Variants in KCNMB2 observed in about 807,000 individuals in gnomAD.
The protein encoded by KCNMB2 is calcium-activated potassium channel subunit beta-2.
A neutral mutation model predicts 24.5 loss-of-function variants in KCNMB2; 9 were observed. The ratio of observed to expected loss-of-function variants is 0.37; its 90% CI spans 0.22 to 0.64. The LOEUF (loss-of-function observed/expected upper bound fraction) is 0.64. Ranked by LOEUF, KCNMB2 falls within the 30% of genes least tolerant of loss-of-function variation. The pLI is 0.63. For synonymous variants in KCNMB2, 109 were observed against 104.4 expected (o/e 1.04, Z -0.27); for missense variants, 226 against 284.3 (o/e 0.79, Z 1.47).
intron 1 of KCNMB2, among the ~76,000 whole-genome samples, chr3:178,660,332 T>C (rs908870768): frequency 6.6e-6 from 1 of 152,168 alleles, no homozygotes; most frequent in Non-Finnish European, 1.5e-5. Flanking sequence ...ATTACGAATA[T>C]TCCCTATCTG....
chr3:178,667,284 G>C (rs957350791), intron 1 of KCNMB2, among the ~76,000 whole-genome samples: 1 of 152,034 alleles, frequency 6.6e-6, no homozygotes, highest in Non-Finnish European at 1.5e-5. Context: ...CCCCTCCAAA[G>C]TTTAGATGGG....
chr3:178,657,210 A>G (rs1720376111), intron 1 of KCNMB2, among the ~76,000 whole-genome samples: 1 of 152,208 alleles, frequency 6.6e-6, no homozygotes, highest in Non-Finnish European at 1.5e-5. Context: ...CCCACAAAAG[A>G]GGTCCTGCAC....
At chr3:178,548,656 G>A (rs1390155127) in intron 1 of KCNMB2, among the ~76,000 whole-genome samples, 1 of 151,966 alleles carries the variant, frequency 6.6e-6, no homozygotes, top group Non-Finnish European at 1.5e-5. Context: ...CTCTTAAATA[G>A]AGCCTCCCCT....
chr3:178,551,385 A>C (rs1181900894), intron 1 of KCNMB2, among the ~76,000 whole-genome samples: 1 of 152,224 alleles, frequency 6.6e-6, no homozygotes, highest in Non-Finnish European at 1.5e-5. Flanking sequence ...TCCTATCCCA[A>C]GTCCCATGAC....
intron 1 of KCNMB2, among the ~76,000 whole-genome samples, chr3:178,600,211 C>G (rs1426365530): frequency 6.6e-6 from 1 of 152,060 alleles, no homozygotes; most frequent in Non-Finnish European, 1.5e-5. Flanking sequence ...ATAATGTCCT[C>G]AAGATTTATT....
At position 178,826,374 on chromosome 3, in the gene KCNMB2, G is replaced by T. The variant is rs367751590; in HGVS notation, c.227+616G>T. On this transcript the variant is annotated intron_variant, in intron 3 of 4. Coordinates refer to ENST00000452583, the MANE Select transcript of KCNMB2 (RefSeq NM_181361.3). Reference sequence around the variant, plus strand: ...TTAAAGCTCCCCAGGTTGTTCTAATGGGCCTTCTAGGCTGAGAAACACTGC... The same window carrying T: ...TTAAAGCTCCCCAGGTTGTTCTAATTGGCCTTCTAGGCTGAGAAACACTGC... 4.9e-4 allele frequency among the ~76,000 whole-genome samples: 75 copies of T among 152,286 alleles called. 4 individuals carry two copies. The South Asian group carries it at 0.015, about 31-fold the overall frequency.
intron 1 of KCNMB2, among the ~76,000 whole-genome samples, chr3:178,720,315 A>C (rs1722757058): frequency 6.8e-6 from 1 of 147,260 alleles, no homozygotes; most frequent in Admixed American, 6.8e-5. Context: ...TGAACTCATC[A>C]TTTTTTATGG....
intron 1 of KCNMB2, among the ~76,000 whole-genome samples, chr3:178,723,467 T>C (rs566453996): frequency 6.6e-6 from 1 of 152,316 alleles, no homozygotes; most frequent in South Asian, 2.1e-4. Flanking sequence ...GTTTGGAGAT[T>C]TTCCCCAATA....
chr3:178,823,894 T>A (rs913231161), intron 2 of KCNMB2, among the ~76,000 whole-genome samples: 1 of 148,920 alleles, frequency 6.7e-6, no homozygotes, highest in Non-Finnish European at 1.5e-5. Context: ...CTTGTGCATA[T>A]TGGCTTTTTG....
chr3:178,733,117 T>C, intron 1 of KCNMB2, among the ~76,000 whole-genome samples: 1 of 152,194 alleles, frequency 6.6e-6, no homozygotes, highest in East Asian at 1.9e-4. Flanking sequence ...GGGTAGAAAT[T>C]TTAGCAGGTA....
intron 1 of KCNMB2, among the ~76,000 whole-genome samples, chr3:178,549,978 G>T (rs1240354728): frequency 6.6e-6 from 1 of 151,772 alleles, no homozygotes; most frequent in Non-Finnish European, 1.5e-5. Context: ...TTTATGAAAA[G>T]AAAAATACCT....
intron 1 of KCNMB2, among the ~76,000 whole-genome samples, chr3:178,789,872 G>A (rs1713253572): frequency 6.6e-6 from 1 of 151,978 alleles, no homozygotes; most frequent in Non-Finnish European, 1.5e-5. Flanking sequence ...TGCTGTGCTG[G>A]GCTTATAGCC....
At chr3:178,580,884 A>G (rs1717173777) in intron 1 of KCNMB2, among the ~76,000 whole-genome samples, 1 of 152,202 alleles carries the variant, frequency 6.6e-6, no homozygotes, top group Non-Finnish European at 1.5e-5. Flanking sequence ...AAACAAATAG[A>G]AAAACATTCC....
At chr3:178,733,071 C>T (rs570549118) in intron 1 of KCNMB2, among the ~76,000 whole-genome samples, 5 of 152,064 alleles carry the variant, frequency 3.3e-5, no homozygotes, top group Non-Finnish European at 7.4e-5. Flanking sequence ...TGAAATATTC[C>T]ATAATAAAAA....
At chr3:178,750,197 T>G (rs891365544) in intron 1 of KCNMB2, among the ~76,000 whole-genome samples, 4 of 149,206 alleles carry the variant, frequency 2.7e-5, no homozygotes, top group Non-Finnish European at 2.9e-5. Flanking sequence ...TACCATGATC[T>G]TATTAGTCAA....
intron 1 of KCNMB2, among the ~76,000 whole-genome samples, chr3:178,637,556 A>G (rs1292275020): frequency 6.6e-6 from 1 of 152,202 alleles, no homozygotes; most frequent in Non-Finnish European, 1.5e-5. Context: ...CCCAATCTAT[A>G]AGGTGAAATT....
intron 1 of KCNMB2, among the ~76,000 whole-genome samples, chr3:178,688,470 AC>A (rs1343114704): frequency 3.3e-5 from 5 of 152,126 alleles, no homozygotes; most frequent in Admixed American, 2.0e-4. Flanking sequence ...ATGGGAAGAG[AC>A]CAAGGAATAG....
chr3:178,736,151 C>A (rs1026129521), intron 1 of KCNMB2, among the ~76,000 whole-genome samples: 1 of 152,116 alleles, frequency 6.6e-6, no homozygotes, highest in African/African-American at 2.4e-5. Context: ...GAATAAATGT[C>A]TTTTCCAGAA....
At chr3:178,542,333 TA>T (rs1715647815) in intron 1 of KCNMB2, among the ~76,000 whole-genome samples, 1 of 152,212 alleles carries the variant, frequency 6.6e-6, no homozygotes, top group African/African-American at 2.4e-5. Flanking sequence ...GGTTGAAGTT[TA>T]AATGTCATAA....
Sources: allele counts gnomAD v4.1 joint callset (sites outside exome capture counted in the v4.1 genomes callset), GRCh38; gene constraint gnomAD v4.1.1; transcripts MANE v1.5; gene names NCBI Gene and HGNC (gene_info 2026-07-23, HGNC 2026-07-21).